The following RAPGEF2 variants were observed in gnomAD, a reference collection of about 807,000 sequenced individuals.
RAPGEF2 encodes the protein PDZ domain containing guanine nucleotide exchange factor (GEF) 1.
Under a neutral mutation model 186.7 loss-of-function variants are expected in RAPGEF2, and 54 were observed. The observed-to-expected ratio is 0.29, with a 90% confidence interval of 0.23 to 0.36. The LOEUF (loss-of-function observed/expected upper bound fraction) is 0.36. Ranked by LOEUF, RAPGEF2 falls within the 10% of genes least tolerant of loss-of-function variation. The pLI is 1.00. For synonymous variants in RAPGEF2, 712 were observed against 705.9 expected (o/e 1.01, Z -0.14); for missense variants, 1,532 against 2,045.0 (o/e 0.75, Z 4.84).
chr4:159,141,765 T>G (rs1742366026), intron 1 of RAPGEF2, among the ~76,000 whole-genome samples: 1 of 152,214 alleles, frequency 6.6e-6, no homozygotes, highest in African/African-American at 2.4e-5. Context: ...TATCAGTCTT[T>G]AGATAACATT....
At chr4:159,351,712 A>C (rs578009809) in intron 26 of RAPGEF2, among the ~76,000 whole-genome samples, 3 of 152,100 alleles carry the variant, frequency 2.0e-5, no homozygotes, top group Non-Finnish European at 4.4e-5. Flanking sequence ...GGAGGCCAAG[A>C]CAGGCTGATT....
chr4:159,150,564 G>C (rs1398825400), intron 1 of RAPGEF2, among the ~76,000 whole-genome samples: 1 of 152,182 alleles, frequency 6.6e-6, no homozygotes, highest in Admixed American at 6.6e-5. Context: ...GGAAAAACCT[G>C]AGACCTAATG....
At chr4:159,191,323 T>G (rs1419678770) in intron 2 of RAPGEF2, among the ~76,000 whole-genome samples, 1 of 152,136 alleles carries the variant, frequency 6.6e-6, no homozygotes, top group Non-Finnish European at 1.5e-5. Context: ...GTGGAATTGC[T>G]AAGGACAGGT....
At chr4:159,174,757 TTTC>T (rs201590285) in intron 1 of RAPGEF2, among the ~76,000 whole-genome samples, 16,865 of 127,216 alleles carry the variant, frequency 0.13, 1,855 homozygotes, top group African/African-American at 0.34. Context: ...CTTTTCTTTC[TTTC>T]TTTTTTTTTT....
intron 4 of RAPGEF2, among the ~76,000 whole-genome samples, chr4:159,220,847 ATTT>A (rs896241375): frequency 1.3e-5 from 2 of 152,224 alleles, no homozygotes; most frequent in African/African-American, 4.8e-5. Context: ...TCAGAATTAT[ATTT>A]TTAACTTGAC....
At chr4:159,188,271 T>G (rs115413902) in intron 2 of RAPGEF2, among the ~76,000 whole-genome samples, 1,761 of 152,268 alleles carry the variant, frequency 0.012, 33 homozygotes, top group African/African-American at 0.04. Flanking sequence ...CATGTAATAT[T>G]TAGATATATT....
intron 4 of RAPGEF2, among the ~76,000 whole-genome samples, chr4:159,220,824 A>G (rs12509160): frequency 0.37 from 56,565 of 152,068 alleles, 10,941 homozygotes; most frequent in Non-Finnish European, 0.42. Flanking sequence ...AATGTTTGCT[A>G]AATTCTGTTG....
intron 7 of RAPGEF2, among the ~76,000 whole-genome samples, chr4:159,269,803 A>G (rs1429212758): frequency 1.3e-5 from 2 of 152,196 alleles, no homozygotes; most frequent in Non-Finnish European, 1.5e-5. Context: ...TTAAGGCCAG[A>G]AGTTTGCTAC....
intron 7 of RAPGEF2, chr4:159,268,209 A>G: frequency 6.3e-7 from 1 of 1,593,826 alleles, no homozygotes; most frequent in Non-Finnish European, 8.6e-7. Context: ...AGCAGGAGAA[A>G]CACTCAGTAA....
At chr4:159,325,538 T>G (rs1182735679) in intron 11 of RAPGEF2, among the ~76,000 whole-genome samples, 1 of 152,154 alleles carries the variant, frequency 6.6e-6, no homozygotes, top group Non-Finnish European at 1.5e-5. Context: ...CCCTTCTACA[T>G]AGTGGAATTA....
intron 7 of RAPGEF2, among the ~76,000 whole-genome samples, chr4:159,270,267 T>A (rs959605940): frequency 2.0e-5 from 3 of 152,186 alleles, no homozygotes; most frequent in African/African-American, 7.2e-5. Flanking sequence ...ACCTTTAAAA[T>A]TTTAATTGTA....
intron 7 of RAPGEF2, among the ~76,000 whole-genome samples, chr4:159,280,082 T>C (rs979669614): frequency 2.0e-5 from 3 of 152,316 alleles, no homozygotes; most frequent in Middle Eastern, 3.4e-3. Context: ...AGGTCTTTCA[T>C]GTTATCCTTT....
At chr4:159,122,736 CT>C (rs1484985024) in intron 1 of RAPGEF2, among the ~76,000 whole-genome samples, 9 of 152,148 alleles carry the variant, frequency 5.9e-5, no homozygotes, top group Non-Finnish European at 1.2e-4. Context: ...TAAAAGTGAT[CT>C]TTTGTGGATC....
chr4:159,171,997 A>G (rs951331552), intron 1 of RAPGEF2, among the ~76,000 whole-genome samples: 2 of 152,130 alleles, frequency 1.3e-5, no homozygotes, highest in African/African-American at 4.8e-5. Flanking sequence ...ACTACTATCT[A>G]GTATCAATAT....
chr4:159,314,452 T>C, intron 8 of RAPGEF2, 139 bp from the exon 9 acceptor site: 1 of 746,924 alleles, frequency 1.3e-6, no homozygotes, highest in Non-Finnish European at 2.0e-6. Context: ...TTACATGTAG[T>C]TTCTGGTGCA....
At chr4:159,309,741 C>T (rs1047045992) in intron 8 of RAPGEF2, among the ~76,000 whole-genome samples, 2 of 152,030 alleles carry the variant, frequency 1.3e-5, no homozygotes, top group South Asian at 4.1e-4. Context: ...AGGATCAGAG[C>T]GAGTGGCTTA....
intron 7 of RAPGEF2, among the ~76,000 whole-genome samples, chr4:159,272,008 A>G (rs1231452098): frequency 1.3e-5 from 2 of 152,126 alleles, no homozygotes; most frequent in African/African-American, 2.4e-5. Context: ...CTCTTTAAAC[A>G]TACGCTCCAT....
rs1393591613 is a variant in RAPGEF2, at chr4:159,358,927, CA to C, written c.*789del. On this transcript the variant is annotated 3_prime_UTR_variant, in exon 30 of 30. Coordinates refer to ENST00000691494, the MANE Select transcript of RAPGEF2 (RefSeq NM_001394067.2). ...AAATGTTAGCCAATTAATACCAAGA[CA>C]CCTCATCTGCTCCTTCCCCAGTGGA... 6.6e-6 allele frequency: 1 copy of C among 152,168 alleles called. No homozygotes were observed. Among genetic ancestry groups the C allele is most frequent in the Non-Finnish European group, 1.5e-5 (1 of 68,078 alleles). The allele number at this position is 152,168 out of a possible 1,614,324, so 9.4% of individuals were successfully genotyped here.
intron 4 of RAPGEF2, among the ~76,000 whole-genome samples, chr4:159,232,356 A>G (rs897130256): frequency 1.7e-4 from 25 of 151,162 alleles, no homozygotes; most frequent in African/African-American, 6.2e-4. Flanking sequence ...TATTCTAGAT[A>G]TTTCATGTAA....
Sources: gnomAD v4.1 joint callset for allele counts (sites outside exome capture counted in the v4.1 genomes callset) on GRCh38, gnomAD v4.1.1 for gene constraint, MANE v1.5 for transcripts, NCBI Gene and HGNC (gene_info 2026-07-23, HGNC 2026-07-21) for gene names.